CAMSAP2: variants seen among roughly 807,000 people sequenced by gnomAD.
CAMSAP2 encodes calmodulin regulated spectrin associated protein family member 2.
A neutral mutation model predicts 146.1 loss-of-function variants in CAMSAP2; 26 were observed. The observed-to-expected ratio is 0.18, with a 90% confidence interval of 0.13 to 0.25. The LOEUF (loss-of-function observed/expected upper bound fraction) is 0.25, where lower values mean the gene tolerates loss of function less well. CAMSAP2 is among the 10% of genes least tolerant of loss of function. The probability of loss-of-function intolerance (pLI) is 1.00; values close to 1 mark genes in which losing one functional copy is unlikely to be tolerated. For missense variants in CAMSAP2, 1,381 were observed against 1,759.3 expected (o/e 0.78, Z 3.85); for synonymous variants, 499 against 596.6 (o/e 0.84, Z 2.38).
intron 8 of CAMSAP2, among the ~76,000 whole-genome samples, chr1:200,846,793 T>C (rs976830014): frequency 6.6e-6 from 1 of 152,182 alleles, no homozygotes; most frequent in Non-Finnish European, 1.5e-5. Flanking sequence ...CTACCAGCTG[T>C]TGGAGATATA....
intron 4 of CAMSAP2, among the ~76,000 whole-genome samples, chr1:200,817,125 C>A (rs1484499347): frequency 1.4e-5 from 2 of 141,450 alleles, no homozygotes; most frequent in African/African-American, 5.2e-5. Context: ...TGTATATACA[C>A]GTATATATGT....
At chr1:200,747,986 CAAA>C (rs901478330) in intron 1 of CAMSAP2, among the ~76,000 whole-genome samples, 2 of 68,780 alleles carry the variant, frequency 2.9e-5, no homozygotes, top group Admixed American at 1.4e-4. Context: ...GACTCCGTCT[CAAA>C]AAAAAAAAAA....
rs562358555 is a variant in CAMSAP2 at position 200,802,032 on chromosome 1, A to G, written c.400-5344A>G. 7.9e-5 allele frequency among the ~76,000 whole-genome samples: 12 copies of G among 152,340 alleles called. 1 individual carries two copies. In the South Asian group the frequency reaches 2.5e-3, roughly 32 times the overall value. ...ATTTTTATCTCTGCAGCCTTATAGT[A>G]CAACTGTCTTGGTTTAAAACTGGAT... On this transcript the variant is annotated intron_variant, in intron 2 of 16. Transcript: ENST00000358823.
At position 200,832,399 on chromosome 1, in the gene CAMSAP2, A is replaced by G. The variant is rs559577750; in HGVS notation, c.787+58A>G. Reference sequence around the variant, plus strand: ...AGACAGATAGTAACCAATATTTAAGACAGTATTATTTTGCACTCCAGCCTA... The same window carrying G: ...AGACAGATAGTAACCAATATTTAAGGCAGTATTATTTTGCACTCCAGCCTA... On this transcript the variant is annotated intron_variant, in intron 5 of 16. Transcript: ENST00000358823. This position sits in a 1 kb window ranked among gnomAD's most constrained non-coding sequence, Gnocchi z 4.2. 5.3e-6 allele frequency: 8 copies of G among 1,508,942 alleles called. No individual in the cohort carries two copies. In the African/African-American group the frequency reaches 9.8e-5, roughly 19 times the overall value. 93.5% of individuals were successfully genotyped at this position (1,508,942 alleles called of 1,614,324 possible). A position where few individuals can be genotyped will look rare whatever the true frequency, so the allele number is the denominator to read the frequency against.
chr1:200,832,082 G>T lies in CAMSAP2; in HGVS notation c.646-118G>T. The T allele has an allele frequency of 3.9e-6, 3 of 761,464 alleles. 1 individual carries two copies. In the South Asian group the frequency reaches 6.3e-5, roughly 16 times the overall value. The allele number at this position is 761,464 out of a possible 1,614,324, so 47.2% of individuals were successfully genotyped here. On this transcript the variant is annotated intron_variant, in intron 4 of 16. Coordinates refer to ENST00000358823, the MANE Select transcript of CAMSAP2 (RefSeq NM_203459.4). The surrounding 1 kb of genome is among the most constrained non-coding windows in gnomAD (Gnocchi z 4.2). ...TTTAGAAAAAAAGAAATATTGGTGAGTGGTCTCATTTCTCATGATTTATTT... is the reference window on the plus strand; with the variant it reads ...TTTAGAAAAAAAGAAATATTGGTGATTGGTCTCATTTCTCATGATTTATTT...
intron 2 of CAMSAP2, among the ~76,000 whole-genome samples, chr1:200,768,325 A>T (rs1459855669): frequency 6.6e-6 from 1 of 152,168 alleles, no homozygotes; most frequent in Non-Finnish European, 1.5e-5. Flanking sequence ...GAGCATGGTG[A>T]CCCTCAGGTC....
intron 3 of CAMSAP2, among the ~76,000 whole-genome samples, chr1:200,814,309 A>G (rs1666418758): frequency 1.3e-5 from 2 of 152,058 alleles, no homozygotes; most frequent in Non-Finnish European, 2.9e-5. Flanking sequence ...ATGTATTACC[A>G]TGATAGAAAA....
chr1:200,749,522 T>C (rs1053589692), intron 1 of CAMSAP2, among the ~76,000 whole-genome samples: 4 of 152,226 alleles, frequency 2.6e-5, no homozygotes, highest in Non-Finnish European at 1.5e-5. Flanking sequence ...ATTTAATACA[T>C]AGGTGCCTCA....
chr1:200,854,612 G>T (rs1188705559), intron 13 of CAMSAP2, among the ~76,000 whole-genome samples: 3 of 152,176 alleles, frequency 2.0e-5, no homozygotes, highest in African/African-American at 2.4e-5. Flanking sequence ...CTAAAAGTAG[G>T]TTCCTTGCTA....
intron 4 of CAMSAP2, among the ~76,000 whole-genome samples, chr1:200,831,114 AAT>A (rs1215371154): frequency 1.3e-5 from 2 of 152,182 alleles, no homozygotes; most frequent in Non-Finnish European, 2.9e-5. Flanking sequence ...TAGAAGAAAA[AAT>A]AGTTTGATAA....
At chr1:200,816,637 C>A (rs1350217271) in intron 4 of CAMSAP2, among the ~76,000 whole-genome samples, 1 of 140,468 alleles carries the variant, frequency 7.1e-6, no homozygotes, top group African/African-American at 2.6e-5. Context: ...TATATATATA[C>A]ACACACATAT....
At chr1:200,783,027 A>G (rs1024611841) in intron 2 of CAMSAP2, among the ~76,000 whole-genome samples, 2 of 150,800 alleles carry the variant, frequency 1.3e-5, no homozygotes, top group African/African-American at 4.9e-5. Flanking sequence ...CGGCCTCCCA[A>G]AGTACTGGAT....
At chr1:200,852,365 T>TA (rs1325413281) in intron 11 of CAMSAP2, among the ~76,000 whole-genome samples, 176 bp from the exon 12 acceptor site, 1 of 152,192 alleles carries the variant, frequency 6.6e-6, no homozygotes, top group East Asian at 1.9e-4. Flanking sequence ...ATGGAACTGT[T>TA]ACCACTGTAG....
intron 15 of CAMSAP2, among the ~76,000 whole-genome samples, chr1:200,856,468 C>T (rs548581580): frequency 3.9e-5 from 6 of 152,206 alleles, no homozygotes; most frequent in East Asian, 1.9e-4. Flanking sequence ...CAGAATTGTG[C>T]ACCTTTAGCA....
Position 200,857,651 on chromosome 1 carries a change from TA to T in CAMSAP2, c.4132-99del. On this transcript the variant is annotated intron_variant, in intron 16 of 16. Transcript: ENST00000358823. The surrounding 1 kb of genome is among the most constrained non-coding windows in gnomAD (Gnocchi z 4.7). ...AAGATTTGTCATTGAAATAATGTTA[TA>T]AAATGTGACTAAGAAACGTAACATA... 9.2e-7 allele frequency: 1 copy of T among 1,084,154 alleles called. No individual in the cohort carries two copies. Among genetic ancestry groups the T allele is most frequent in the Non-Finnish European group, 1.3e-6 (1 of 763,516 alleles). 67.2% of individuals were successfully genotyped at this position (1,084,154 alleles called of 1,614,324 possible).
intron 4 of CAMSAP2, among the ~76,000 whole-genome samples, chr1:200,818,828 A>G (rs752375477): frequency 3.9e-5 from 6 of 151,998 alleles, no homozygotes; most frequent in Non-Finnish European, 7.4e-5. Context: ...TGCTCTTTTT[A>G]TTGCTATACA....
chr1:200,777,444 A>G (rs1046381462), intron 2 of CAMSAP2, among the ~76,000 whole-genome samples: 7 of 152,218 alleles, frequency 4.6e-5, no homozygotes, highest in Admixed American at 3.9e-4. Flanking sequence ...AAGAAAGAAT[A>G]TTGCATGTAT....
At chr1:200,746,326 A>C (rs570786724) in intron 1 of CAMSAP2, among the ~76,000 whole-genome samples, 1 of 152,168 alleles carries the variant, frequency 6.6e-6, no homozygotes, top group Non-Finnish European at 1.5e-5. Flanking sequence ...GAAGTGGATG[A>C]ATGTAAAGGA....
chr1:200,750,901 C>CTTTTTT (rs55953656), intron 1 of CAMSAP2, among the ~76,000 whole-genome samples: 1 of 91,610 alleles, frequency 1.1e-5, no homozygotes, highest in Non-Finnish European at 2.2e-5. Context: ...CCGCGCCTGC[C>CTTTTTT]TTTTTTTTTT....
Sources: gnomAD v4.1 joint callset for allele counts (sites outside exome capture counted in the v4.1 genomes callset) on GRCh38, gnomAD v4.1.1 for gene constraint, Gnocchi (gnomAD v3.1) non-coding constraint, MANE v1.5 for transcripts, NCBI Gene and HGNC (gene_info 2026-07-23, HGNC 2026-07-21) for gene names.